Variants in IARS2 observed in about 807,000 individuals in gnomAD.
IARS2 encodes the protein isoleucine--tRNA ligase, mitochondrial.
IARS2 carries 56 observed loss-of-function variants against 126.3 expected under a neutral mutation model. The observed-to-expected ratio is 0.44, with a 90% CI of 0.36 to 0.55. IARS2 has a LOEUF of 0.55. Ranked by LOEUF, IARS2 falls within the 20% of genes least tolerant of loss-of-function variation. The pLI is 0.00. For missense variants in IARS2, 1,127 were observed against 1,245.9 expected (o/e 0.90, Z 1.44); for synonymous variants, 407 against 441.1 (o/e 0.92, Z 0.97).
chr1:220,132,411 G>A lies in IARS2; in HGVS notation c.1838-1991G>A, dbSNP rs186976720. ...AATCTTGGTAGGTTGTATGTGTCCA[G>A]GGGTTTATCCATTTCCTCCAGGTTT... is the stretch of plus-strand genomic sequence containing the variant. On this transcript the variant is annotated intron_variant, in intron 14 of 22. Transcript: ENST00000366922. Among the ~76,000 whole-genome samples the A allele has an allele frequency of 1.7e-3, 255 of 152,130 alleles. 1 individual carries two copies. The highest frequency in any genetic ancestry group is 2.5e-3 in the Non-Finnish European group (173 of 68,006).
In IARS2 at chr1:220,094,202, A is replaced by G. The variant is rs770592660; in HGVS notation, c.-15A>G. 4 of 1,544,496 alleles carry G rather than the reference A, an allele frequency of 2.6e-6. No homozygotes were observed. The African/African-American group carries it at 5.6e-5, about 21-fold the overall frequency. On this transcript the variant is annotated 5_prime_UTR_variant, in exon 1 of 23. Transcript: ENST00000366922. Reference sequence around the variant, plus strand: ...GGCGGGAGCGGAGGACCCCGCTCTCAGGGGTTGCCGGACCATGCGTTGGGG... The same window carrying G: ...GGCGGGAGCGGAGGACCCCGCTCTCGGGGGTTGCCGGACCATGCGTTGGGG...
Position 220,146,265 on chromosome 1 carries a change from C to T in IARS2, c.2896+612C>T, listed in dbSNP as rs376138055. On this transcript the variant is annotated intron_variant, in intron 22 of 22. Transcript: ENST00000366922. ...GGCACGGTGGCTCATGCCTGTAATC[C>T]CAGCATTTTGGGAGGCCGAGGCGGG... Among the ~76,000 whole-genome samples, 117 of 152,026 alleles carry T rather than the reference C, an allele frequency of 7.7e-4. 2 individuals are homozygous for T. The South Asian group carries it at 0.023, about 31-fold the overall frequency.
rs574790467 is a variant in IARS2, at chr1:220,094,963, C to T, written c.267+480C>T. 6.6e-5 allele frequency among the ~76,000 whole-genome samples: 10 copies of T among 150,864 alleles called. No homozygotes were observed. In the South Asian group the frequency reaches 2.2e-3, roughly 33 times the overall value. On this transcript the variant is annotated intron_variant, in intron 1 of 22. Transcript: ENST00000366922. ...ACCATATTGGCTAGTCACCCCCACC[C>T]CCCCGTCCTTAAAAAAAACCTTAAA...
intron 22 of IARS2, among the ~76,000 whole-genome samples, chr1:220,146,509 C>T (rs559782450): frequency 6.0e-4 from 66 of 110,852 alleles, no homozygotes; most frequent in African/African-American, 2.5e-3. Context: ...CAGAGCGAGA[C>T]TCCGTCTCAA....
At chr1:220,097,433 G>A (rs893365304) in intron 2 of IARS2, among the ~76,000 whole-genome samples, 3 of 143,106 alleles carry the variant, frequency 2.1e-5, no homozygotes, top group African/African-American at 8.0e-5. Context: ...GTGCAATCTT[G>A]GCTCACTGCA....
rs762291764 is a variant in IARS2, at chr1:220,094,210, C to T, written c.-7C>T. Reference sequence around the variant, plus strand: ...CGGAGGACCCCGCTCTCAGGGGTTGCCGGACCATGCGTTGGGGGCTGCGCC... The same window carrying T: ...CGGAGGACCCCGCTCTCAGGGGTTGTCGGACCATGCGTTGGGGGCTGCGCC... On this transcript the variant is annotated 5_prime_UTR_variant, in exon 1 of 23. Coordinates refer to ENST00000366922, the MANE Select transcript of IARS2 (RefSeq NM_018060.4). 3 of 1,558,566 alleles carry T rather than the reference C, an allele frequency of 1.9e-6. No homozygotes were observed. Among genetic ancestry groups the T allele is most frequent in the East Asian group, 4.6e-5 (2 of 43,728 alleles).
In IARS2 at chr1:220,134,768, G is replaced by T. The variant is rs201023394; in HGVS notation, c.1946+258G>T. ...ACTTATGTAGTTCTTTGTTGTTGTT[G>T]TTTTTTTTTTTTTTTTTGAAAAAGG... On this transcript the variant is annotated intron_variant, in intron 15 of 22. Coordinates refer to ENST00000366922, the MANE Select transcript of IARS2 (RefSeq NM_018060.4). 20,540 of 151,268 alleles carry T rather than the reference G, an allele frequency of 0.14. 1,778 individuals are homozygous for T. The highest frequency in any genetic ancestry group is 0.21 in the Admixed American group (2,835 of 13,610). The allele number at this position is 151,268 out of a possible 1,614,324, so 9.4% of individuals were successfully genotyped here. A position where few individuals can be genotyped will look rare whatever the true frequency, so the allele number is the denominator to read the frequency against.
Position 220,145,603 on chromosome 1 carries a change from T to A in IARS2, c.2846T>A (p.Met949Lys). Residue 949 changes from methionine (M) to lysine (K), a missense_variant, in exon 22 of 23, where the codon ATG becomes AAG. Transcript: ENST00000366922. ...STLLAQEPRE[M>K]TADVIELKGK... The stretch of plus-strand genomic sequence containing the variant: ...TTACTGGCTCAGGAACCACGAGAGA[T>A]GACTGCAGATGTAATCGAGCTTAAA... The A allele has an allele frequency of 6.2e-7, 1 of 1,613,710 alleles. No individual in the cohort carries two copies. The highest frequency in any genetic ancestry group is 8.5e-7 in the Non-Finnish European group (1 of 1,179,768).
intron 12 of IARS2, among the ~76,000 whole-genome samples, chr1:220,123,717 T>C (rs1329037616): frequency 6.6e-6 from 1 of 152,174 alleles, no homozygotes; most frequent in Non-Finnish European, 1.5e-5. Context: ...GAGCTCGTGA[T>C]CCGCCCGCCT....
At chr1:220,141,740 C>T in intron 19 of IARS2, 63 bp from the exon 20 acceptor site, 1 of 1,534,474 alleles carries the variant, frequency 6.5e-7, no homozygotes, top group Non-Finnish European at 8.9e-7. Flanking sequence ...TGAGGCAGGT[C>T]CCATCTAGGT....
intron 14 of IARS2, 114 bp from the exon 15 acceptor site, chr1:220,134,288 T>C (rs976705098): frequency 2.9e-6 from 2 of 698,680 alleles, no homozygotes; most frequent in Non-Finnish European, 4.6e-6. Context: ...GTTTTCTCTA[T>C]TGTAAAGTTA....
Position 220,115,541 on chromosome 1 carries a change from C to T in IARS2, c.1640+1067C>T, listed in dbSNP as rs566742439. ...TGCCACTGGACTCCAGCCTGGGTGA[C>T]AGAGTGAGACTCTATCTCAAAAAAA... On this transcript the variant is annotated intron_variant, in intron 12 of 22. Transcript: ENST00000366922. Among the ~76,000 whole-genome samples the T allele has an allele frequency of 2.6e-5, 4 of 152,182 alleles. No homozygotes were observed. In the South Asian group the frequency reaches 8.3e-4, roughly 32 times the overall value.
rs542012254 is a variant in IARS2, at chr1:220,100,626, C to T, written c.527C>T (p.Ser176Leu). 181 of 1,609,274 alleles carry T rather than the reference C, an allele frequency of 1.1e-4. No individual in the cohort carries two copies. The highest frequency in any genetic ancestry group is 1.5e-4 in the Non-Finnish European group (174 of 1,176,962). The change falls in exon 3 of 23, where the codon TCA becomes TTA. Residue 176 changes from serine to leucine, a missense_variant. By Grantham distance (145) the Ser-to-Leu change is moderately radical (BLOSUM62 -2). Coordinates refer to ENST00000366922, the MANE Select transcript of IARS2 (RefSeq NM_018060.4). The part of the protein sequence containing the change: ...SELGREAQNL[S>L]AMEIRKKARS... ...CTTGGTAGAGAAGCTCAGAATCTTT[C>T]AGCTATGGAAATTAGAAAGAAAGGT...
chr1:220,098,432 C>A (rs1193400189), intron 2 of IARS2, among the ~76,000 whole-genome samples: 1 of 152,160 alleles, frequency 6.6e-6, no homozygotes, highest in Non-Finnish European at 1.5e-5. Context: ...CTCTTGACTT[C>A]CCTCTAAAAT....
chr1:220,110,259 C>T (rs998772892), intron 10 of IARS2, among the ~76,000 whole-genome samples: 3 of 152,124 alleles, frequency 2.0e-5, no homozygotes, highest in Non-Finnish European at 4.4e-5. Flanking sequence ...GGGGTTTCAC[C>T]ATGCAGGCCA....
intron 3 of IARS2, among the ~76,000 whole-genome samples, chr1:220,101,123 C>G (rs907782747): frequency 6.6e-6 from 1 of 151,984 alleles, no homozygotes. Context: ...GATTTTTTTA[C>G]TTCCTTGTGA....
intron 10 of IARS2, among the ~76,000 whole-genome samples, chr1:220,107,994 G>T (rs1433548164): frequency 2.0e-5 from 3 of 152,138 alleles, no homozygotes; most frequent in Non-Finnish European, 4.4e-5. Flanking sequence ...TGTGTCCTGG[G>T]TTCAAGTGAT....
intron 11 of IARS2, 63 bp from the exon 12 acceptor site, chr1:220,114,251 T>C: frequency 6.9e-7 from 1 of 1,440,856 alleles, no homozygotes; most frequent in Non-Finnish European, 9.8e-7. Flanking sequence ...TTTGGAAAAT[T>C]GACTGTTCTA....
intron 13 of IARS2, among the ~76,000 whole-genome samples, 170 bp downstream of exon 13, chr1:220,125,509 G>A (rs1182064468): frequency 6.6e-6 from 1 of 152,174 alleles, no homozygotes. Flanking sequence ...AACTATAGAA[G>A]TGTAGTATTT....
Sources: gnomAD v4.1 joint callset for allele counts (sites outside exome capture counted in the v4.1 genomes callset) on GRCh38, gnomAD v4.1.1 for gene constraint, MANE v1.5 for transcripts, NCBI Gene and HGNC (gene_info 2026-07-23, HGNC 2026-07-21) for gene names.